The following HNF4A variants were observed in gnomAD, a reference collection of about 807,000 sequenced individuals.
The protein encoded by HNF4A is hepatocyte nuclear factor 4 alpha, also known as hepatocyte nuclear factor 4-alpha.
In HNF4A, 15 loss-of-function variants were observed where a neutral mutation model predicts 52.4. That is an observed-to-expected ratio of 0.29 (90% confidence interval 0.19 to 0.44). The LOEUF (loss-of-function observed/expected upper bound fraction) is 0.44. HNF4A is among the 20% of genes least tolerant of loss of function. The pLI is 1.00. For synonymous variants in HNF4A, 280 were observed against 264.4 expected, an observed-to-expected ratio of 1.06 and a Z score of -0.57; for missense variants, 479 against 647.2, an observed-to-expected ratio of 0.74 and a Z score of 2.82.
intron 1 of HNF4A, among the ~76,000 whole-genome samples, chr20:44,364,239 G>A (rs547304846): frequency 2.0e-5 from 3 of 151,820 alleles, no homozygotes; most frequent in East Asian, 1.9e-4. Context: ...CAGGGGTCTC[G>A]CTATGTTGCC....
At chr20:44,424,729 G>A (rs1332857535) in intron 8 of HNF4A, 10 of 550,634 alleles carry the variant, frequency 1.8e-5, no homozygotes, top group Non-Finnish European at 2.7e-5. Flanking sequence ...AGACCCTAAC[G>A]GCTGAAAGGA....
intron 7 of HNF4A, among the ~76,000 whole-genome samples, chr20:44,421,319 CA>C (rs747114539): frequency 2.4e-4 from 36 of 152,270 alleles, no homozygotes; most frequent in South Asian, 1.9e-3. Flanking sequence ...AGTCTTTGTA[CA>C]AAACTTGCTT....
chr20:44,419,591 T>A (rs1005078946), intron 6 of HNF4A, 130 bp from the exon 7 acceptor site: 1 of 838,456 alleles, frequency 1.2e-6, no homozygotes, highest in African/African-American at 1.7e-5. Context: ...ACCTGTGAAA[T>A]GGGAGTCACC....
At chr20:44,409,621 AGTT>A (rs2063552503) in intron 3 of HNF4A, among the ~76,000 whole-genome samples, 1 of 152,154 alleles carries the variant, frequency 6.6e-6, no homozygotes, top group African/African-American at 2.4e-5. Flanking sequence ...GCGTGTGGTC[AGTT>A]GTTATAAATG....
At chr20:44,402,542 GTC>G in intron 1 of HNF4A, 1 of 1,362,034 alleles carries the variant, frequency 7.3e-7, no homozygotes, top group Non-Finnish European at 9.8e-7. Flanking sequence ...ATGTCCGTTT[GTC>G]TCTGAGCAGA....
intron 1 of HNF4A, among the ~76,000 whole-genome samples, chr20:44,369,902 C>G (rs1160253263): frequency 6.6e-6 from 1 of 152,134 alleles, no homozygotes; most frequent in Non-Finnish European, 1.5e-5. Flanking sequence ...CGTGAGCCGC[C>G]GCGCCCGGCC....
intron 1 of HNF4A, among the ~76,000 whole-genome samples, chr20:44,361,492 G>A (rs781622178): frequency 2.6e-5 from 4 of 152,120 alleles, no homozygotes; most frequent in Non-Finnish European, 5.9e-5. Flanking sequence ...AGGCACTGGG[G>A]AAACACAGGA....
intron 5 of HNF4A, among the ~76,000 whole-genome samples, chr20:44,417,587 A>T (rs2063683123): frequency 6.6e-6 from 1 of 152,088 alleles, no homozygotes; most frequent in African/African-American, 2.4e-5. Context: ...ACAGAATTGC[A>T]CTTCAGAGTC....
At chr20:44,415,363 G>C (rs556239686) in intron 5 of HNF4A, among the ~76,000 whole-genome samples, 1 of 152,200 alleles carries the variant, frequency 6.6e-6, no homozygotes, top group Non-Finnish European at 1.5e-5. Flanking sequence ...CAAAACAATT[G>C]AACTGAGCAT....
rs1036580537 is a variant in HNF4A at position 44,368,709 on chromosome 20, T to A, written c.49+12856T>A. On this transcript the variant is annotated intron_variant, in intron 1 of 9. Transcript: ENST00000316673. ...GATATTGACCAAAGCTACATTACCA[T>A]GTTACAGTGAAGATTAATTGAAACA... 9.7e-4 allele frequency among the ~76,000 whole-genome samples: 148 copies of A among 152,316 alleles called. 1 individual carries two copies. Among genetic ancestry groups the A allele is most frequent in the African/African-American group, 3.2e-3 (131 of 41,582 alleles).
intron 7 of HNF4A, among the ~76,000 whole-genome samples, chr20:44,422,687 A>AT (rs1208971339): frequency 3.4e-5 from 5 of 147,228 alleles, no homozygotes; most frequent in African/African-American, 1.0e-4. Flanking sequence ...ATAAATATAT[A>AT]TTTTTTAAAA....
At chr20:44,425,270 G>A (rs188309274) in intron 8 of HNF4A, among the ~76,000 whole-genome samples, 17 of 152,134 alleles carry the variant, frequency 1.1e-4, no homozygotes, top group Admixed American at 7.2e-4. Flanking sequence ...GGTGTGAGCC[G>A]CCACACCCAT....
At chr20:44,412,491 G>T (rs6031590) in intron 3 of HNF4A, among the ~76,000 whole-genome samples, 21,826 of 151,880 alleles carry the variant, frequency 0.14, 1,956 homozygotes, top group Middle Eastern at 0.2. Context: ...GGGTTTTCGC[G>T]GACAGAGTGT....
At chr20:44,407,007 G>A (rs943145246) in intron 2 of HNF4A, among the ~76,000 whole-genome samples, 3 of 152,154 alleles carry the variant, frequency 2.0e-5, no homozygotes, top group East Asian at 1.9e-4. Flanking sequence ...TATGTGAACC[G>A]AGTATTAACT....
chr20:44,383,549 CTTT>C (rs538493291), intron 1 of HNF4A, among the ~76,000 whole-genome samples: 2 of 137,548 alleles, frequency 1.5e-5, no homozygotes, highest in Admixed American at 7.6e-5. Flanking sequence ...TTGGGGACCT[CTTT>C]TTTTTTTTTT....
intron 1 of HNF4A, among the ~76,000 whole-genome samples, chr20:44,365,961 T>C (rs887035946): frequency 6.6e-6 from 1 of 152,044 alleles, no homozygotes; most frequent in African/African-American, 2.4e-5. Context: ...GAGCCGAGAT[T>C]ACAACACCAC....
In HNF4A at chr20:44,414,641, C is replaced by T. The variant is rs749446315; in HGVS notation, c.627C>T (p.Cys209=). 4.7e-5 allele frequency: 75 copies of T among 1,610,486 alleles called. No homozygotes were observed. Among genetic ancestry groups the T allele is most frequent in the Non-Finnish European group, 6.2e-5 (73 of 1,178,388 alleles). The change falls in exon 5 of 10, where the codon TGC becomes TGT. Residue 209 remains cysteine (C), a synonymous_variant. Transcript: ENST00000316099. Reference sequence around the variant, plus strand: ...GGGCCAAGTACATCCCAGCTTTCTGCGAGCTCCCCCTGGACGACCAGGTGA... The same window carrying T: ...GGGCCAAGTACATCCCAGCTTTCTGTGAGCTCCCCCTGGACGACCAGGTGA...
chr20:44,421,804 TA>T (rs2063749430), intron 7 of HNF4A, among the ~76,000 whole-genome samples: 2 of 146,850 alleles, frequency 1.4e-5, no homozygotes, highest in Non-Finnish European at 3.0e-5. Flanking sequence ...TATATATATA[TA>T]ATATATAGTG....
At chr20:44,403,526 G>T (rs2063439573) in intron 1 of HNF4A, among the ~76,000 whole-genome samples, 1 of 152,168 alleles carries the variant, frequency 6.6e-6, no homozygotes, top group Non-Finnish European at 1.5e-5. Flanking sequence ...TCTGAATTGG[G>T]GTTATGTGAA....
Sources: gnomAD v4.1 joint callset for allele counts (sites outside exome capture counted in the v4.1 genomes callset) on GRCh38, gnomAD v4.1.1 for gene constraint, MANE v1.5 for transcripts, NCBI Gene and HGNC (gene_info 2026-07-23, HGNC 2026-07-21) for gene names.